ATP10A: variants seen among roughly 807,000 people sequenced by gnomAD.
ATP10A encodes ATPase phospholipid transporting 10A (putative).
In ATP10A, 111 loss-of-function variants were observed where a neutral mutation model predicts 147.8. The ratio of observed to expected loss-of-function variants is 0.75; its 90% CI spans 0.64 to 0.88. ATP10A has a LOEUF of 0.88. Ranked by LOEUF, ATP10A falls within the 40% of genes least tolerant of loss-of-function variation. The pLI, the probability that ATP10A is intolerant of heterozygous loss-of-function variation, is 0.00. For missense variants in ATP10A, 1,927 were observed against 1,959.0 expected, an observed-to-expected ratio of 0.98 and a Z score of 0.31; for synonymous variants, 875 against 841.6, an observed-to-expected ratio of 1.04 and a Z score of -0.69.
At chr15:25,755,623 G>T (rs911678850) in intron 2 of ATP10A, among the ~76,000 whole-genome samples, 13 of 152,118 alleles carry the variant, frequency 8.5e-5, no homozygotes, top group Admixed American at 2.6e-4. Context: ...AGATTTCCAA[G>T]AAATCCCTTA....
At position 25,727,211 on chromosome 15, in the gene ATP10A, C is replaced by T. The variant is rs754561501; in HGVS notation, c.796G>A (p.Gly266Ser). 7.4e-6 allele frequency: 12 copies of T among 1,614,020 alleles called. No individual in the cohort carries two copies. Among genetic ancestry groups the T allele is most frequent in the Non-Finnish European group, 1.0e-5 (12 of 1,180,026 alleles). Residue 266 changes from glycine (G) to serine (S), a missense_variant, in exon 4 of 21, where the codon GGC becomes AGC. Coordinates refer to ENST00000555815, the MANE Select transcript of ATP10A (RefSeq NM_024490.4). ...GLYKENLLLR[G>S]CTLRNTDAVV... The stretch of plus-strand genomic sequence containing the variant: ...GCGTCCGTGTTCCTAAGGGTGCAGC[C>T]CCTCAGCAGCAGGTTTTCTTTATAC...
At chr15:25,754,948 C>T (rs1356479553) in intron 2 of ATP10A, among the ~76,000 whole-genome samples, 1 of 152,192 alleles carries the variant, frequency 6.6e-6, no homozygotes, top group South Asian at 2.1e-4. Flanking sequence ...TCCCAAATAG[C>T]CTTTTATAAA....
intron 2 of ATP10A, among the ~76,000 whole-genome samples, chr15:25,773,769 C>T (rs1271911622): frequency 6.6e-6 from 1 of 152,054 alleles, no homozygotes; most frequent in Non-Finnish European, 1.5e-5. Context: ...AATGTTTGCA[C>T]TCACACCTGT....
Position 25,742,731 on chromosome 15 carries a change from G to A in ATP10A, c.655-6590C>T, listed in dbSNP as rs150985152. Among the ~76,000 whole-genome samples the A allele has an allele frequency of 2.0e-4, 31 of 152,296 alleles. No homozygotes were observed. In the East Asian group the frequency reaches 6.0e-3, roughly 29 times the overall value. ...TCCCTAAGAACTGGCTGTGCATTCAGGCAGTAGGTAACGAGAGTTGTTTCA... is the reference window on the plus strand; with the variant it reads ...TCCCTAAGAACTGGCTGTGCATTCAAGCAGTAGGTAACGAGAGTTGTTTCA... On this transcript the variant is annotated intron_variant, in intron 2 of 20. Transcript: ENST00000555815.
chr15:25,748,463 T>C (rs1052795009), intron 2 of ATP10A, among the ~76,000 whole-genome samples: 2 of 152,142 alleles, frequency 1.3e-5, no homozygotes, highest in African/African-American at 4.8e-5. Context: ...CATAATACTT[T>C]CTCTTAGCAG....
At chr15:25,678,479 T>A (rs1481926213), downstream of ATP10A, 1 of 149,464 alleles carries the variant, frequency 6.7e-6, no homozygotes, top group Non-Finnish European at 1.5e-5. Context: ...GGGACAGAAC[T>A]AATGGCTCAT....
At chr15:25,836,064 C>T (rs1036079335) in intron 1 of ATP10A, among the ~76,000 whole-genome samples, 14 of 152,212 alleles carry the variant, frequency 9.2e-5, no homozygotes, top group African/African-American at 2.7e-4. Flanking sequence ...CCGCCCACCT[C>T]GGGCTCCCAA....
intron 2 of ATP10A, among the ~76,000 whole-genome samples, chr15:25,770,561 C>T (rs1464481935): frequency 6.6e-6 from 1 of 152,172 alleles, no homozygotes; most frequent in East Asian, 1.9e-4. Flanking sequence ...TGTTACCCAG[C>T]CAGGAGAAGG....
chr15:25,754,602 G>T (rs1203463572), intron 2 of ATP10A, among the ~76,000 whole-genome samples: 1 of 152,194 alleles, frequency 6.6e-6, no homozygotes, highest in African/African-American at 2.4e-5. Flanking sequence ...CATTGGCTGA[G>T]TTGGTCAAGG....
intron 1 of ATP10A, among the ~76,000 whole-genome samples, chr15:25,807,661 G>T (rs1891253354): frequency 6.6e-6 from 1 of 152,088 alleles, no homozygotes; most frequent in South Asian, 2.1e-4. Context: ...AATTAGCTGG[G>T]CATGGTGGTG....
chr15:25,749,854 A>T (rs1888054727), intron 2 of ATP10A, among the ~76,000 whole-genome samples: 1 of 152,160 alleles, frequency 6.6e-6, no homozygotes. Flanking sequence ...ACTGAAAGAG[A>T]TCAACAGCTG....
intron 1 of ATP10A, among the ~76,000 whole-genome samples, chr15:25,842,772 G>A (rs1455558905): frequency 6.6e-6 from 1 of 151,806 alleles, no homozygotes; most frequent in South Asian, 2.1e-4. Context: ...ACAGTTCAGT[G>A]GCACAATCAT....
chr15:25,690,045 T>C (rs1899932761), intron 15 of ATP10A, among the ~76,000 whole-genome samples: 2 of 152,170 alleles, frequency 1.3e-5, no homozygotes, highest in African/African-American at 4.8e-5. Flanking sequence ...AACACTGGAG[T>C]TAGGGGTTCC....
chr15:25,759,144 C>T (rs566631643), intron 2 of ATP10A, among the ~76,000 whole-genome samples: 10 of 152,326 alleles, frequency 6.6e-5, no homozygotes, highest in Non-Finnish European at 2.9e-5. Context: ...AGGGCGCACC[C>T]TTCTATATAG....
intron 1 of ATP10A, among the ~76,000 whole-genome samples, chr15:25,796,633 C>A (rs530015834): frequency 1.4e-4 from 21 of 152,316 alleles, no homozygotes; most frequent in African/African-American, 4.3e-4. Context: ...CACTGGGGGA[C>A]CTTCTCCCAT....
intron 2 of ATP10A, among the ~76,000 whole-genome samples, chr15:25,745,413 C>T (rs1020214053): frequency 6.6e-6 from 1 of 150,754 alleles, no homozygotes; most frequent in African/African-American, 2.4e-5. Context: ...AAAGAAAATA[C>T]TAAACAGTAG....
chr15:25,708,333 G>A, intron 10 of ATP10A, 33 bp from the exon 11 acceptor site: 2 of 1,586,082 alleles, frequency 1.3e-6, no homozygotes, highest in Non-Finnish European at 1.7e-6. Flanking sequence ...ACATGGGTAA[G>A]AACTGGCGCC....
At chr15:25,864,767 G>A (rs909453551), upstream of ATP10A, among the ~76,000 whole-genome samples, 6 of 152,194 alleles carry the variant, frequency 3.9e-5, no homozygotes, top group African/African-American at 7.2e-5. Context: ...AGCATCAACT[G>A]CAAATGAAGG....
chr15:25,699,236 C>T (rs1016455102), intron 13 of ATP10A, among the ~76,000 whole-genome samples: 3 of 152,154 alleles, frequency 2.0e-5, no homozygotes, highest in East Asian at 1.9e-4. Flanking sequence ...CAATACACGT[C>T]GTATTGGTGA....
Sources: gnomAD v4.1 joint callset for allele counts (sites outside exome capture counted in the v4.1 genomes callset) on GRCh38, gnomAD v4.1.1 for gene constraint, MANE v1.5 for transcripts, NCBI Gene and HGNC (gene_info 2026-07-23, HGNC 2026-07-21) for gene names.